Variants in GRM7 observed in about 807,000 individuals in gnomAD.
GRM7 encodes the protein glutamate metabotropic receptor 7.
Under a neutral mutation model 84.5 loss-of-function variants are expected in GRM7, and 35 were observed. That is an observed-to-expected ratio of 0.41 (90% CI 0.32 to 0.55). GRM7 has a LOEUF of 0.55. Ranked by LOEUF, GRM7 falls within the 20% of genes least tolerant of loss-of-function variation. The pLI, the probability that GRM7 is intolerant of heterozygous loss-of-function variation, is 0.19. For missense variants in GRM7, 1,003 were observed against 1,194.6 expected (o/e 0.84, Z 2.36); for synonymous variants, 487 against 455.1 (o/e 1.07, Z -0.89).
At chr3:7,607,384 T>G (rs1696632648) in intron 8 of GRM7, 1 of 152,140 alleles carries the variant, frequency 6.6e-6, no homozygotes, top group Non-Finnish European at 1.5e-5. Flanking sequence ...TTCAATAAGT[T>G]TTCATAGTAC....
chr3:7,360,581 A>G (rs1693617543), intron 4 of GRM7, among the ~76,000 whole-genome samples: 1 of 152,140 alleles, frequency 6.6e-6, no homozygotes, highest in African/African-American at 2.4e-5. Flanking sequence ...TATCAGCTTC[A>G]GGAATTACAG....
At chr3:7,268,642 G>A (rs1698737214) in intron 2 of GRM7, among the ~76,000 whole-genome samples, 1 of 152,142 alleles carries the variant, frequency 6.6e-6, no homozygotes, top group Non-Finnish European at 1.5e-5. Context: ...GCTTTGTAGA[G>A]AGAAAAGGGC....
At chr3:7,619,875 A>C (rs1260874526) in intron 8 of GRM7, among the ~76,000 whole-genome samples, 1 of 152,148 alleles carries the variant, frequency 6.6e-6, no homozygotes, top group Non-Finnish European at 1.5e-5. Flanking sequence ...TCTGGCCTTA[A>C]TTCGGCATGA....
At chr3:7,250,854 G>T (rs1316892564) in intron 2 of GRM7, among the ~76,000 whole-genome samples, 3 of 152,106 alleles carry the variant, frequency 2.0e-5, no homozygotes, top group African/African-American at 7.2e-5. Flanking sequence ...ATGGCCAACT[G>T]GTGAGATTTT....
At chr3:7,604,035 T>G (rs944209147) in intron 8 of GRM7, among the ~76,000 whole-genome samples, 3 of 152,114 alleles carry the variant, frequency 2.0e-5, no homozygotes, top group African/African-American at 7.2e-5. Context: ...TAGACAGGAC[T>G]TATTTTTCAT....
At chr3:7,142,247 A>C (rs1455059823) in intron 1 of GRM7, among the ~76,000 whole-genome samples, 1 of 152,148 alleles carries the variant, frequency 6.6e-6, no homozygotes, top group Non-Finnish European at 1.5e-5. Flanking sequence ...AATAATATTT[A>C]TAAGCTCATA....
At chr3:6,868,397 G>GT (rs1695007196) in intron 1 of GRM7, among the ~76,000 whole-genome samples, 1 of 152,156 alleles carries the variant, frequency 6.6e-6, no homozygotes. Flanking sequence ...AGAAATATAT[G>GT]TTTTATTTTA....
intron 2 of GRM7, among the ~76,000 whole-genome samples, chr3:7,186,270 T>C (rs1695511015): frequency 1.3e-5 from 2 of 152,250 alleles, no homozygotes; most frequent in African/African-American, 4.8e-5. Flanking sequence ...TGTATCAACA[T>C]AAATTAATAA....
chr3:7,596,445 A>G (rs905599181), intron 8 of GRM7, among the ~76,000 whole-genome samples: 2 of 152,234 alleles, frequency 1.3e-5, no homozygotes, highest in Non-Finnish European at 2.9e-5. Flanking sequence ...TCATGTAGGC[A>G]TAATTGTAGA....
chr3:7,368,912 A>G (rs1397035095), intron 4 of GRM7, among the ~76,000 whole-genome samples: 1 of 151,942 alleles, frequency 6.6e-6, no homozygotes, highest in Non-Finnish European at 1.5e-5. Flanking sequence ...GGTTAAAATC[A>G]GTGTTTTTCA....
At chr3:7,243,989 A>G (rs1452539401) in intron 2 of GRM7, among the ~76,000 whole-genome samples, 10 of 152,134 alleles carry the variant, frequency 6.6e-5, no homozygotes, top group Admixed American at 6.6e-4. Flanking sequence ...GGCACTTAAC[A>G]TAAATGGAGT....
intron 8 of GRM7, among the ~76,000 whole-genome samples, chr3:7,661,432 A>G (rs966407630): frequency 6.6e-6 from 1 of 152,190 alleles, no homozygotes. Flanking sequence ...TGAAGTTAAA[A>G]AAGATTGACC....
chr3:7,503,240 A>T (rs1575425003), intron 7 of GRM7, among the ~76,000 whole-genome samples: 1 of 152,162 alleles, frequency 6.6e-6, no homozygotes, highest in Admixed American at 6.6e-5. Context: ...TCCTGATAAA[A>T]GAGAGACCAG....
intron 7 of GRM7, among the ~76,000 whole-genome samples, chr3:7,509,703 A>T (rs1390547413): frequency 1.3e-5 from 2 of 152,154 alleles, no homozygotes; most frequent in Non-Finnish European, 2.9e-5. Context: ...CACTTTAGAA[A>T]GCCATGGTAG....
chr3:7,556,085 A>G (rs1415248929), intron 7 of GRM7, among the ~76,000 whole-genome samples: 1 of 152,152 alleles, frequency 6.6e-6, no homozygotes, highest in Non-Finnish European at 1.5e-5. Context: ...ACAGAAGTCC[A>G]AGATCAAGGT....
intron 8 of GRM7, among the ~76,000 whole-genome samples, chr3:7,656,664 C>T (rs1251590090): frequency 2.0e-5 from 3 of 151,836 alleles, no homozygotes; most frequent in East Asian, 3.9e-4. Flanking sequence ...GGAACATCAG[C>T]ATTCATTTGT....
intron 1 of GRM7, among the ~76,000 whole-genome samples, chr3:7,070,626 C>T (rs6794492): frequency 0.55 from 82,813 of 151,806 alleles, 23,812 homozygotes; most frequent in African/African-American, 0.75. Context: ...GGGGATATAA[C>T]GGATGTCAAG....
At chr3:7,278,807 C>T (rs1318317467) in intron 2 of GRM7, among the ~76,000 whole-genome samples, 1 of 152,132 alleles carries the variant, frequency 6.6e-6, no homozygotes, top group African/African-American at 2.4e-5. Flanking sequence ...AATACAGAGA[C>T]TTCTCAGGTC....
At chr3:7,236,935 A>G (rs1697367782) in intron 2 of GRM7, among the ~76,000 whole-genome samples, 1 of 152,138 alleles carries the variant, frequency 6.6e-6, no homozygotes. Flanking sequence ...TCTTCGTTTT[A>G]TTTACTCGTT....
Sources: allele counts gnomAD v4.1 joint callset (sites outside exome capture counted in the v4.1 genomes callset), GRCh38; gene constraint gnomAD v4.1.1; transcripts MANE v1.5; gene names NCBI Gene and HGNC (gene_info 2026-07-23, HGNC 2026-07-21).